ATG7: variants seen among roughly 807,000 people sequenced by gnomAD.
ATG7 encodes autophagy related 7.
Under a neutral mutation model 82.4 loss-of-function variants are expected in ATG7, and 70 were observed. The observed-to-expected ratio is 0.85, with a 90% CI of 0.70 to 1.04. The LOEUF (loss-of-function observed/expected upper bound fraction) is 1.04. ATG7 is among the 50% of genes least tolerant of loss of function. ATG7 has a pLI of 0.00. For missense variants in ATG7, 792 were observed against 864.3 expected, an observed-to-expected ratio of 0.92 and a Z score of 1.05; for synonymous variants, 287 against 313.0, an observed-to-expected ratio of 0.92 and a Z score of 0.88.
intron 20 of ATG7, among the ~76,000 whole-genome samples, chr3:11,501,910 G>A (rs1418583326): frequency 6.6e-6 from 1 of 152,126 alleles, no homozygotes; most frequent in Non-Finnish European, 1.5e-5. Context: ...GGCTGGTCTA[G>A]AACTCCTGAC....
chr3:11,413,260 G>A (rs564612264), intron 19 of ATG7, among the ~76,000 whole-genome samples: 1 of 152,304 alleles, frequency 6.6e-6, no homozygotes, highest in East Asian at 1.9e-4. Context: ...TAGAGAGAAA[G>A]CGTTCCTTCT....
intron 20 of ATG7, among the ~76,000 whole-genome samples, chr3:11,540,944 G>A (rs2125023188): frequency 6.9e-6 from 1 of 145,160 alleles, no homozygotes; most frequent in Admixed American, 7.2e-5. Context: ...CTGTCGCCCA[G>A]GCTGGAGTGC....
chr3:11,488,451 T>C (rs979657036), intron 20 of ATG7: 9 of 1,279,438 alleles, frequency 7.0e-6, no homozygotes, highest in Non-Finnish European at 9.1e-6. Context: ...CTGCGGTCGG[T>C]CGCGGCAGCG....
intron 13 of ATG7, among the ~76,000 whole-genome samples, chr3:11,344,306 A>G (rs574820669): frequency 1.3e-5 from 2 of 152,198 alleles, no homozygotes; most frequent in Non-Finnish European, 2.9e-5. Flanking sequence ...GAGAGTTGAT[A>G]TCTTTGTTTT....
chr3:11,501,909 A>C (rs1410342860), intron 20 of ATG7, among the ~76,000 whole-genome samples: 1 of 152,052 alleles, frequency 6.6e-6, no homozygotes, highest in Non-Finnish European at 1.5e-5. Flanking sequence ...AGGCTGGTCT[A>C]GAACTCCTGA....
Position 11,557,009 on chromosome 3 carries a change from G to T in ATG7, c.*2166G>T, listed in dbSNP as rs1334098571. ...ACAGCTAAAAACTGTAAAACCGGGGGTCATACGGTGTGCAGAGTCCACAAA... is the reference window on the plus strand; with the variant it reads ...ACAGCTAAAAACTGTAAAACCGGGGTTCATACGGTGTGCAGAGTCCACAAA... On this transcript the variant is annotated 3_prime_UTR_variant, in exon 21 of 21. Transcript: ENST00000693202. The T allele has an allele frequency of 2.0e-5, 3 of 152,550 alleles. No individual in the cohort carries two copies. Among genetic ancestry groups the T allele is most frequent in the Non-Finnish European group, 4.4e-5 (3 of 68,058 alleles). The allele number at this position is 152,550 out of a possible 1,614,324, so 9.4% of individuals were successfully genotyped here.
intron 14 of ATG7, 100 bp downstream of exon 14, chr3:11,348,135 G>T: frequency 6.9e-7 from 1 of 1,456,218 alleles, no homozygotes; most frequent in South Asian, 1.4e-5. Context: ...TCAGATATCT[G>T]TCACTTTCTA....
chr3:11,420,377 G>A (rs530721173), intron 19 of ATG7, among the ~76,000 whole-genome samples: 1 of 152,010 alleles, frequency 6.6e-6, no homozygotes, highest in Non-Finnish European at 1.5e-5. Context: ...TGCCCTTGCT[G>A]TTAGTTTTTC....
chr3:11,478,864 T>C (rs1157114103), intron 20 of ATG7, among the ~76,000 whole-genome samples: 1 of 152,196 alleles, frequency 6.6e-6, no homozygotes, highest in Non-Finnish European at 1.5e-5. Context: ...AACATGCATT[T>C]ATTATTTAAT....
chr3:11,452,555 C>T (rs2085297947), intron 20 of ATG7, among the ~76,000 whole-genome samples: 1 of 151,994 alleles, frequency 6.6e-6, no homozygotes, highest in Non-Finnish European at 1.5e-5. Flanking sequence ...GAAAGTAAAA[C>T]CCATAAAAAG....
At chr3:11,458,662 T>G (rs1376045980) in intron 20 of ATG7, among the ~76,000 whole-genome samples, 1 of 152,190 alleles carries the variant, frequency 6.6e-6, no homozygotes, top group East Asian at 1.9e-4. Context: ...TCTAAAAAAT[T>G]GGAGAACTGA....
chr3:11,563,818 A>G, the ATG7 span, among the ~76,000 whole-genome samples: 1 of 152,222 alleles, frequency 6.6e-6, no homozygotes, highest in African/African-American at 2.4e-5. Flanking sequence ...CTCTGAGGCA[A>G]GATGGGCAAC....
intron 20 of ATG7, among the ~76,000 whole-genome samples, chr3:11,493,246 T>A (rs1399802034): frequency 6.6e-6 from 1 of 152,144 alleles, no homozygotes; most frequent in Non-Finnish European, 1.5e-5. Flanking sequence ...GCCCCTCTTC[T>A]CCAAAGTCAA....
chr3:11,387,926 C>T (rs904463768), intron 19 of ATG7, among the ~76,000 whole-genome samples: 9 of 152,266 alleles, frequency 5.9e-5, no homozygotes, highest in African/African-American at 9.6e-5. Flanking sequence ...ACCAAGATCA[C>T]GCCACTGCAC....
rs185802663 is a variant in ATG7, at chr3:11,343,608, G to T, written c.1125+1329G>T. ...TATGTGTCAGTCTTTTCCTTTGTGG[G>T]TTATGGAACTCTTGTTTTTATGTTA... is the stretch of plus-strand genomic sequence containing the variant. On this transcript the variant is annotated intron_variant, in intron 13 of 20. Coordinates refer to ENST00000693202, the MANE Select transcript of ATG7 (RefSeq NM_001349232.2). 5.6e-3 allele frequency among the ~76,000 whole-genome samples: 855 copies of T among 152,094 alleles called. 7 individuals are homozygous for T. The highest frequency in any genetic ancestry group is 9.2e-3 in the Non-Finnish European group (624 of 67,990).
At chr3:11,553,865 C>T (rs1002403358) in intron 20 of ATG7, among the ~76,000 whole-genome samples, 2 of 152,216 alleles carry the variant, frequency 1.3e-5, no homozygotes, top group African/African-American at 4.8e-5. Context: ...CCTCCCATCT[C>T]CCCGGGCCAG....
intron 1 of ATG7, among the ~76,000 whole-genome samples, chr3:11,280,206 C>T (rs1033832317): frequency 1.3e-5 from 2 of 152,092 alleles, no homozygotes; most frequent in South Asian, 2.1e-4. Flanking sequence ...GCCACCATGC[C>T]CGGCCCTTTT....
intron 20 of ATG7, among the ~76,000 whole-genome samples, chr3:11,459,029 T>A (rs985987915): frequency 1.3e-5 from 2 of 152,036 alleles, no homozygotes; most frequent in Non-Finnish European, 2.9e-5. Context: ...CACCCCCCCA[T>A]CTATGGAAAA....
At chr3:11,505,854 A>T (rs968648671) in intron 20 of ATG7, among the ~76,000 whole-genome samples, 1 of 152,184 alleles carries the variant, frequency 6.6e-6, no homozygotes, top group Non-Finnish European at 1.5e-5. Flanking sequence ...TTCTGTCTGG[A>T]GGCATTCAGA....
Sources: gnomAD v4.1 joint callset for allele counts (sites outside exome capture counted in the v4.1 genomes callset) on GRCh38, gnomAD v4.1.1 for gene constraint, MANE v1.5 for transcripts, NCBI Gene and HGNC (gene_info 2026-07-23, HGNC 2026-07-21) for gene names.